Variants in SPRN observed in about 807,000 individuals in gnomAD.
SPRN encodes the protein shadow of prion protein.
For missense variants in SPRN, 312 were observed against 241.4 expected (o/e 1.29, Z -1.94); for synonymous variants, 182 against 123.4 (o/e 1.48, Z -3.15).
At chr10:133,423,964 C>A (rs1490285633) in intron 1 of SPRN, among the ~76,000 whole-genome samples, 5 of 135,536 alleles carry the variant, frequency 3.7e-5, no homozygotes, top group African/African-American at 1.3e-4. Context: ...GGTGTAGAAG[C>A]GGGGCAGGAG....
chr10:133,423,606 C>T lies in SPRN; in HGVS notation c.76G>A (p.Gly26Ser). 2 of 1,538,108 alleles carry T rather than the reference C, an allele frequency of 1.3e-6. No homozygotes were observed. Among genetic ancestry groups the T allele is most frequent in the Non-Finnish European group, 1.7e-6 (2 of 1,147,068 alleles). The change falls in exon 2 of 2, where the codon GGC becomes AGC. Residue 26 changes from glycine to serine, a missense_variant. Transcript: ENST00000685335. ...AFLCDSGAAK[G>S]GRGGARGSAR... is the part of the protein sequence containing the mutation. ...CTGCCCCGCGCACCTCCGCGGCCGC[C>T]CTTGGCTGCGCCGCTGTCGCAGAGG...
Position 133,420,917 on chromosome 10 carries a change from TGA to T in SPRN, c.*2307_*2308del, listed in dbSNP as rs1228361096. On this transcript the variant is annotated 3_prime_UTR_variant, in exon 2 of 2. Transcript: ENST00000685335. The stretch of plus-strand genomic sequence containing the variant: ...TAGTGGGATTCTGCATTAGTGGGGC[TGA>T]GAGATGTGGGGGCCCCTCCAGCCCC... The T allele has an allele frequency of 6.6e-6, 1 of 152,340 alleles. No individual in the cohort carries two copies. The highest frequency in any genetic ancestry group is 1.5e-5 in the Non-Finnish European group (1 of 68,104). The allele number at this position is 152,340 out of a possible 1,614,324, so 9.4% of individuals were successfully genotyped here.
Position 133,423,454 on chromosome 10 carries a change from C to G in SPRN, c.228G>C (p.Ala76=), listed in dbSNP as rs761318783. 8.4e-5 allele frequency: 102 copies of G among 1,211,584 alleles called. No individual in the cohort carries two copies. Among genetic ancestry groups the G allele is most frequent in the African/African-American group, 3.0e-4 (18 of 60,662 alleles). The allele number at this position is 1,211,584 out of a possible 1,614,324, so 75.1% of individuals were successfully genotyped here. The stretch of plus-strand genomic sequence containing the variant: ...CCGCCAGGCCCGCGGCCGCTCCCGC[C>G]GCCGCCCCGGCTGCCGCCCCGGCGG... The part of the protein sequence containing the change: ...VAAAGAAAGA[A]AGAAAGLAAG... Residue 76 remains alanine, a synonymous_variant, in exon 2 of 2, where the codon GCG becomes GCC. Transcript: ENST00000685335.
rs770373447 is a variant in SPRN at position 133,423,399 on chromosome 10, G to C, written c.283C>G (p.Pro95Ala). 6.7e-7 allele frequency: 1 copy of C among 1,490,362 alleles called. No homozygotes were observed. The highest frequency in any genetic ancestry group is 8.9e-7 in the Non-Finnish European group (1 of 1,124,960). The allele number at this position is 1,490,362 out of a possible 1,614,324, so 92.3% of individuals were successfully genotyped here. A position where few individuals can be genotyped will look rare whatever the true frequency, so the allele number is the denominator to read the frequency against. The change falls in exon 2 of 2, where the codon CCC (proline) becomes GCC (alanine). Residue 95 changes from proline (P) to alanine (A), a missense_variant. By Grantham distance (27) the Pro-to-Ala change is conservative. Coordinates refer to ENST00000685335, the MANE Select transcript of SPRN (RefSeq NM_001391974.1). The part of the protein sequence containing the change: ...AGSGWRRAAG[P>A]GERGLEDEED... ...TCGTCCTCCAGGCCGCGTTCCCCGG[G>C]TCCCGCGGCCCTTCTCCAGCCCGAG...
Position 133,423,466 on chromosome 10 carries a change from T to C in SPRN, c.216A>G (p.Ala72=), listed in dbSNP as rs189707053. 24 of 1,158,582 alleles carry C rather than the reference T, an allele frequency of 2.1e-5. No individual in the cohort carries two copies. The highest frequency in any genetic ancestry group is 1.3e-4 in the African/African-American group (8 of 59,302). The allele number at this position is 1,158,582 out of a possible 1,614,324, so 71.8% of individuals were successfully genotyped here. The change falls in exon 2 of 2, where the codon GCA becomes GCG. Residue 72 remains alanine (A), a synonymous_variant. Transcript: ENST00000685335. ...CGGCCGCTCCCGCCGCCGCCCCGGC[T>C]GCCGCCCCGGCGGCAGCCACGCGCA... The part of the protein sequence containing the change: ...SSLRVAAAGA[A]AGAAAGAAAG...
Position 133,423,480 on chromosome 10 carries a change from C to A in SPRN, c.202G>T (p.Ala68Ser). ...GAPGSSLRVA[A>S]AGAAAGAAAG... ...GCCGCCCCGGCTGCCGCCCCGGCGG[C>A]AGCCACGCGCAGGGAGGAGCCCGGG... Residue 68 changes from alanine to serine, a missense_variant, in exon 2 of 2, where the codon GCC (alanine) becomes TCC (serine). Physicochemically the swap from Ala to Ser is moderately conservative, Grantham distance 99. Transcript: ENST00000685335. 8.6e-7 allele frequency: 1 copy of A among 1,158,702 alleles called. No homozygotes were observed. Among genetic ancestry groups the A allele is most frequent in the East Asian group, 4.1e-5 (1 of 24,396 alleles). The allele number at this position is 1,158,702 out of a possible 1,614,324, so 71.8% of individuals were successfully genotyped here.
In SPRN at chr10:133,423,131, A is replaced by G. The variant is rs945517764; in HGVS notation, c.*95T>C. The G allele has an allele frequency of 8.0e-7, 1 of 1,246,740 alleles. No individual in the cohort carries two copies. The highest frequency in any genetic ancestry group is 1.6e-5 in the African/African-American group (1 of 63,472). The allele number at this position is 1,246,740 out of a possible 1,614,324, so 77.2% of individuals were successfully genotyped here. Reference sequence around the variant, plus strand: ...CTCCTGCACCCAGTGGGGCTCCAAGACCGTGGGCAAGGGAGGAAGGGGGAG... The same window carrying G: ...CTCCTGCACCCAGTGGGGCTCCAAGGCCGTGGGCAAGGGAGGAAGGGGGAG... On this transcript the variant is annotated 3_prime_UTR_variant, in exon 2 of 2. Coordinates refer to ENST00000685335, the MANE Select transcript of SPRN (RefSeq NM_001391974.1).
rs1489126230 is a variant in SPRN at position 133,424,580 on chromosome 10, G to A, written c.-124C>T. The stretch of plus-strand genomic sequence containing the variant: ...CGGCGCGGACCCTCAGCCGGAGCGC[G>A]GAGCCGCGGCGCCTGGGTTTTGCGC... On this transcript the variant is annotated 5_prime_UTR_variant, in exon 1 of 2. Transcript: ENST00000685335. 4 of 140,644 alleles carry A rather than the reference G, an allele frequency of 2.8e-5. No homozygotes were observed. The highest frequency in any genetic ancestry group is 4.5e-5 in the Non-Finnish European group (3 of 66,500). The allele number at this position is 140,644 out of a possible 1,614,324, so 8.7% of individuals were successfully genotyped here. A position where few individuals can be genotyped will look rare whatever the true frequency, so the allele number is the denominator to read the frequency against.
In SPRN at chr10:133,423,320, C is replaced by G; in HGVS notation, c.362G>C (p.Arg121Pro). 6.6e-7 allele frequency: 1 copy of G among 1,522,394 alleles called. No homozygotes were observed. Among genetic ancestry groups the G allele is most frequent in the Non-Finnish European group, 8.8e-7 (1 of 1,140,198 alleles). The allele number at this position is 1,522,394 out of a possible 1,614,324, so 94.3% of individuals were successfully genotyped here. A position where few individuals can be genotyped will look rare whatever the true frequency, so the allele number is the denominator to read the frequency against. The change falls in exon 2 of 2, where the codon CGG (arginine) becomes CCG (proline). Residue 121 changes from arginine (R) to proline (P), a missense_variant. Physicochemically the swap from Arg to Pro is moderately radical, Grantham distance 103 (BLOSUM62 -2). Coordinates refer to ENST00000685335, the MANE Select transcript of SPRN (RefSeq NM_001391974.1). ...GGGTCCAGCGCCCGAAGTCCACGCC[C>G]GGTAGCTGTAGATGCCGGGGCCTGT... ...NGTGPGIYSY[R>P]AWTSGAGPTR...
In SPRN at chr10:133,423,042, A is replaced by T. The variant is rs1306621395; in HGVS notation, c.*184T>A. ...GGGCCCATGGTCTCCTCTAGGTGGG[A>T]GGTGGCAGGCTGAGGCGGCGTGGGC... On this transcript the variant is annotated 3_prime_UTR_variant, in exon 2 of 2. Coordinates refer to ENST00000685335, the MANE Select transcript of SPRN (RefSeq NM_001391974.1). 7.3e-5 allele frequency: 44 copies of T among 605,880 alleles called. No individual in the cohort carries two copies. The highest frequency in any genetic ancestry group is 1.1e-4 in the Non-Finnish European group (38 of 361,262). 37.5% of individuals were successfully genotyped at this position (605,880 alleles called of 1,614,324 possible).
chr10:133,422,806 G>C lies in SPRN; in HGVS notation c.*420C>G. On this transcript the variant is annotated 3_prime_UTR_variant, in exon 2 of 2. Transcript: ENST00000685335. Reference sequence around the variant, plus strand: ...TTTGGGGAGGGTCAGATTCCTCAGGGGCTCAGTGGCAGAACCAGCCTGATG... The same window carrying C: ...TTTGGGGAGGGTCAGATTCCTCAGGCGCTCAGTGGCAGAACCAGCCTGATG... 6.1e-6 allele frequency: 1 copy of C among 164,588 alleles called. No homozygotes were observed. Among genetic ancestry groups the C allele is most frequent in the Non-Finnish European group, 1.3e-5 (1 of 76,482 alleles). 10.2% of individuals were successfully genotyped at this position (164,588 alleles called of 1,614,324 possible).
At chr10:133,424,006 G>A (rs1288544731) in intron 1 of SPRN, among the ~76,000 whole-genome samples, 1 of 144,838 alleles carries the variant, frequency 6.9e-6, no homozygotes, top group Non-Finnish European at 1.5e-5. Flanking sequence ...CCAGGCCCGG[G>A]CGGGGGAGCA....
rs1241989712 is a variant in SPRN at position 133,422,804 on chromosome 10, G to C, written c.*422C>G. The C allele has an allele frequency of 1.2e-5, 2 of 163,882 alleles. No homozygotes were observed. The highest frequency in any genetic ancestry group is 4.8e-5 in the African/African-American group (2 of 41,948). The allele number at this position is 163,882 out of a possible 1,614,324, so 10.2% of individuals were successfully genotyped here. A position where few individuals can be genotyped will look rare whatever the true frequency, so the allele number is the denominator to read the frequency against. ...CTTTTGGGGAGGGTCAGATTCCTCA[G>C]GGGCTCAGTGGCAGAACCAGCCTGA... is the stretch of plus-strand genomic sequence containing the variant. On this transcript the variant is annotated 3_prime_UTR_variant, in exon 2 of 2. Transcript: ENST00000685335.
rs755063899 is a variant in SPRN at position 133,423,689 on chromosome 10, G to A, written c.-8C>T. 4.5e-6 allele frequency: 7 copies of A among 1,569,622 alleles called. No homozygotes were observed. Among genetic ancestry groups the A allele is most frequent in the Non-Finnish European group, 5.2e-6 (6 of 1,158,074 alleles). On this transcript the variant is annotated 5_prime_UTR_variant, in exon 2 of 2. Coordinates refer to ENST00000685335, the MANE Select transcript of SPRN (RefSeq NM_001391974.1). ...TGCGGGTGCCCAGTTCATCTTCGTGGGGCTAAACCTGCGGGAAGAGAGGGA... is the reference window on the plus strand; with the variant it reads ...TGCGGGTGCCCAGTTCATCTTCGTGAGGCTAAACCTGCGGGAAGAGAGGGA...
chr10:133,421,507 C>G lies in SPRN; in HGVS notation c.*1719G>C, dbSNP rs1850235209. On this transcript the variant is annotated 3_prime_UTR_variant, in exon 2 of 2. Transcript: ENST00000685335. Reference sequence around the variant, plus strand: ...TGGGGGAAATGTCAGAAGGGCTTCTCTGCCTATGAGGATCTGGGGCAGGGC... The same window carrying G: ...TGGGGGAAATGTCAGAAGGGCTTCTGTGCCTATGAGGATCTGGGGCAGGGC... 6.5e-6 allele frequency: 1 copy of G among 152,812 alleles called. No homozygotes were observed. Among genetic ancestry groups the G allele is most frequent in the African/African-American group, 2.4e-5 (1 of 41,438 alleles). 9.5% of individuals were successfully genotyped at this position (152,812 alleles called of 1,614,324 possible). A position where few individuals can be genotyped will look rare whatever the true frequency, so the allele number is the denominator to read the frequency against.
chr10:133,423,355 T>C lies in SPRN; in HGVS notation c.327A>G (p.Gly109=), dbSNP rs1375310279. Residue 109 remains glycine, a synonymous_variant, in exon 2 of 2, where the codon GGA becomes GGG. Transcript: ENST00000685335. The stretch of plus-strand genomic sequence containing the variant: ...AGATGCCGGGGCCTGTCCCGTTGCC[T>C]CCGGGCACCCCGTCCTCCTCGTCCT... ...GLEDEEDGVP[G]GNGTGPGIYS... 6.6e-7 allele frequency: 1 copy of C among 1,515,304 alleles called. No homozygotes were observed. The highest frequency in any genetic ancestry group is 2.0e-5 in the Admixed American group (1 of 49,224). 93.9% of individuals were successfully genotyped at this position (1,515,304 alleles called of 1,614,324 possible).
chr10:133,423,964 C>T (rs1490285633), intron 1 of SPRN, among the ~76,000 whole-genome samples: 1 of 135,540 alleles, frequency 7.4e-6, no homozygotes, highest in Non-Finnish European at 1.6e-5. Context: ...GGTGTAGAAG[C>T]GGGGCAGGAG....
Position 133,422,983 on chromosome 10 carries a change from G to C in SPRN, c.*243C>G. The C allele has an allele frequency of 2.4e-6, 1 of 414,234 alleles. No homozygotes were observed. The highest frequency in any genetic ancestry group is 4.3e-6 in the Non-Finnish European group (1 of 232,998). The allele number at this position is 414,234 out of a possible 1,614,324, so 25.7% of individuals were successfully genotyped here. ...GCCACAGGCAGCTGCCTTTTTGGCTGAGGGGACCCTAACATCCTGGAGTGG... is the reference window on the plus strand; with the variant it reads ...GCCACAGGCAGCTGCCTTTTTGGCTCAGGGGACCCTAACATCCTGGAGTGG... On this transcript the variant is annotated 3_prime_UTR_variant, in exon 2 of 2. Transcript: ENST00000685335.
chr10:133,423,275 C>T lies in SPRN; in HGVS notation c.407G>A (p.Cys136Tyr), dbSNP rs749952753. ...GAGPTRGPRL[C>Y]LVLGGALGAL... ...TCCGAGGGCGCCGCCCAGCACGAGA[C>T]AGAGACGCGGGCCGCGCGTGGGTCC... The change falls in exon 2 of 2, where the codon TGT becomes TAT. Residue 136 changes from cysteine to tyrosine, a missense_variant. Transcript: ENST00000685335. The T allele has an allele frequency of 1.1e-5, 16 of 1,514,248 alleles. 1 individual carries two copies. The South Asian group carries it at 1.7e-4, about 16-fold the overall frequency. The allele number at this position is 1,514,248 out of a possible 1,614,324, so 93.8% of individuals were successfully genotyped here.
Sources: gnomAD v4.1 joint callset for allele counts (sites outside exome capture counted in the v4.1 genomes callset) on GRCh38, gnomAD v4.1.1 for gene constraint, MANE v1.5 for transcripts, NCBI Gene and HGNC (gene_info 2026-07-23, HGNC 2026-07-21) for gene names.